RTL5: variants seen among roughly 807,000 people sequenced by gnomAD.
The protein encoded by RTL5 is retrotransposon Gag like 5.
A neutral mutation model predicts 7.7 loss-of-function variants in RTL5; 8 were observed. The observed-to-expected ratio is 1.04, with a 90% CI of 0.61 to 1.88. The LOEUF (loss-of-function observed/expected upper bound fraction) is 1.88. Ranked by LOEUF, RTL5 falls within the 40% of genes most tolerant of loss-of-function variation. RTL5 has a pLI of 0.00. For synonymous variants in RTL5, 188 were observed against 191.8 expected, an observed-to-expected ratio of 0.98 and a Z score of 0.16; for missense variants, 457 against 472.7, an observed-to-expected ratio of 0.97 and a Z score of 0.31.
exon 1 of RTL5, chrX:72,130,110 C>A (rs201171574): frequency 8.3e-7 from 1 of 1,208,594 alleles, no homozygotes; most frequent in African/African-American, 1.8e-5. Context: ...TCTGGGATGA[C>A]GCGTGAACAA....
At position 72,130,366 on chromosome X, in the gene RTL5, TCTTC is replaced by T. The variant is rs751171435; in HGVS notation, c.1171_1174del (p.Glu391ArgfsTer10). ...TTCCTCTTCCTCCTCCTCCTCCTTC[TCTTC>T]CTTCTTCTTCATTTCTTCCTCCTTC... On this transcript the variant is annotated frameshift_variant, in exon 1 of 1. Coordinates refer to ENST00000609883, the Ensembl canonical transcript of RTL5. LOFTEE classifies it low-confidence loss of function (END_TRUNC). 1.6e-5 allele frequency: 19 copies of T among 1,161,599 alleles called. No individual in the cohort carries two copies. The Admixed American group carries it at 3.6e-4, about 22-fold the overall frequency.
At position 72,130,621 on chromosome X, in the gene RTL5, A is replaced by ATCT. The variant is rs747152399; in HGVS notation, c.917_919dup (p.Glu306_Ile307insLys). 6.6e-6 allele frequency: 8 copies of ATCT among 1,211,334 alleles called. No individual in the cohort carries two copies. In the Admixed American group the frequency reaches 1.5e-4, roughly 23 times the overall value. ...CTTGGGAACGCGCACTTTTCTTTCT[A>ATCT]TCTCCACACATTCGAGAATCAGCTC... On this transcript the variant is annotated inframe_insertion, in exon 1 of 1. Coordinates refer to ENST00000609883, the Ensembl canonical transcript of RTL5.
chrX:72,131,631 G>T, exon 1 of RTL5: 1 of 917,747 alleles, frequency 1.1e-6, no homozygotes, highest in Non-Finnish European at 1.5e-6. Flanking sequence ...GCGGCGGCGG[G>T]GCTCGGGAGG....
At chrX:72,130,483 C>G in exon 1 of RTL5, 3 of 1,210,888 alleles carry the variant, frequency 2.5e-6, no homozygotes, top group South Asian at 1.8e-5. Context: ...CCTGTGCCTG[C>G]GTGCCTCTTG....
rs1437334768 is a variant in RTL5, at chrX:72,131,798, G to C, written c.-258C>G. 32 of 231,113 alleles carry C rather than the reference G, an allele frequency of 1.4e-4. 1 individual carries two copies. The highest frequency in any genetic ancestry group is 2.1e-4 in the Non-Finnish European group (28 of 134,580). 19.0% of individuals were successfully genotyped at this position (231,113 alleles called of 1,213,427 possible). A position where few individuals can be genotyped will look rare whatever the true frequency, so the allele number is the denominator to read the frequency against. On this transcript the variant is annotated 5_prime_UTR_variant, in exon 1 of 1. Coordinates refer to ENST00000609883, the Ensembl canonical transcript of RTL5. ...AGGGCGGGCGGAGGCACGGGGCCCG[G>C]AGGCGCCAGGCGGAGGATGCGGGCG...
At chrX:72,131,705 G>A in exon 1 of RTL5, 1 of 425,073 alleles carries the variant, frequency 2.4e-6, no homozygotes. Context: ...GAGCTCGGAG[G>A]GCGGCGCTCT....
chrX:72,131,246 T>C, exon 1 of RTL5: 1 of 1,200,885 alleles, frequency 8.3e-7, no homozygotes, highest in Non-Finnish European at 1.1e-6. Flanking sequence ...TCATCCGAGA[T>C]ACAGTCGGGC....
exon 1 of RTL5, chrX:72,130,892 A>G (rs1382239570): frequency 8.3e-7 from 1 of 1,211,658 alleles, no homozygotes. Context: ...AAGCGCGGGA[A>G]GTTGGCATGC....
Position 72,130,445 on chromosome X carries a change from T to C in RTL5, c.1096A>G (p.Met366Val), listed in dbSNP as rs983578517. ...TTCATCTCTTGCTGAAAAGCCCTCATGCGCTTCCTCTGGTCCTTGGAGTGA... is the reference window on the plus strand; with the variant it reads ...TTCATCTCTTGCTGAAAAGCCCTCACGCGCTTCCTCTGGTCCTTGGAGTGA... The change falls in exon 1 of 1, where the codon ATG (methionine) becomes GTG (valine). Residue 366 changes from methionine to valine, a missense_variant. By Grantham distance (21) the Met-to-Val change is conservative. Transcript: ENST00000609883. The C allele has an allele frequency of 3.3e-6, 4 of 1,208,451 alleles. No individual in the cohort carries two copies. Among genetic ancestry groups the C allele is most frequent in the South Asian group, 3.5e-5 (2 of 56,579 alleles).
chrX:72,131,691 G>C (rs1465679935), exon 1 of RTL5: 6 of 483,451 alleles, frequency 1.2e-5, no homozygotes, highest in African/African-American at 7.8e-5. Context: ...ACACCCACCG[G>C]GGCGAGCTCG....
chrX:72,130,821 G>A lies in RTL5; in HGVS notation c.720C>T (p.Ala240=), dbSNP rs2042284943. 2.5e-6 allele frequency: 3 copies of A among 1,209,907 alleles called. No homozygotes were observed. The Admixed American group carries it at 6.5e-5, about 26-fold the overall frequency. Residue 240 remains alanine, a synonymous_variant, in exon 1 of 1, where the codon GCC becomes GCT. Coordinates refer to ENST00000609883, the Ensembl canonical transcript of RTL5. ...AGTGGCCCTGCTTGAGCTTGCGAAT[G>A]GCCTTTTTAGCCACACGTGGGGGGA...
At chrX:72,130,281 A>T (rs1801323092) in exon 1 of RTL5, 1 of 1,178,275 alleles carries the variant, frequency 8.5e-7, no homozygotes. Context: ...CTTCATCCTT[A>T]CTCTCTCCTT....
chrX:72,131,850 C>CCGGG (rs1182989464), upstream of RTL5: 214 of 257,532 alleles, frequency 8.3e-4, 2 homozygotes, highest in African/African-American at 5.8e-3. Flanking sequence ...GACCGCGCGA[C>CCGGG]CGGGCGGGCG....
chrX:72,131,118 C>T (rs370931550), exon 1 of RTL5: 291 of 1,193,412 alleles, frequency 2.4e-4, no homozygotes, highest in Admixed American at 5.6e-4. Context: ...GAGGGGGTTG[C>T]GGGGGCGGTT....
chrX:72,130,082 C>T, exon 1 of RTL5: 1 of 1,211,089 alleles, frequency 8.3e-7, no homozygotes, highest in Non-Finnish European at 1.1e-6. Context: ...GCGTGGTAAC[C>T]ACTTGTGGGG....
In RTL5 at chrX:72,130,283, T is replaced by G. The variant is rs6624595; in HGVS notation, c.1258A>C (p.Ser420Arg). The change falls in exon 1 of 1, where the codon AGT becomes CGT. Residue 420 changes from serine (S) to arginine (R), a missense_variant. Physicochemically the swap from Ser to Arg is moderately radical, Grantham distance 110 (BLOSUM62 -1). Coordinates refer to ENST00000609883, the Ensembl canonical transcript of RTL5. Reference sequence around the variant, plus strand: ...TCATCTTCATCTTCTTCATCCTTACTCTCTCCTTCCTCCTCATTCTTGTTC... The same window carrying G: ...TCATCTTCATCTTCTTCATCCTTACGCTCTCCTTCCTCCTCATTCTTGTTC... 129,357 of 1,197,040 alleles carry G rather than the reference T, an allele frequency of 0.11. 7,681 individuals carry two copies. Among genetic ancestry groups the G allele is most frequent in the East Asian group, 0.52 (17,381 of 33,514 alleles).
At chrX:72,131,606 G>C in exon 1 of RTL5, 1 of 1,060,747 alleles carries the variant, frequency 9.4e-7, no homozygotes. Context: ...ACGGGCGGCC[G>C]GAGGAGGCCG....
At position 72,130,935 on chromosome X, in the gene RTL5, C is replaced by T; in HGVS notation, c.606G>A (p.Trp202Ter). 1 of 1,211,761 alleles carries T rather than the reference C, an allele frequency of 8.3e-7. No individual in the cohort carries two copies. Among genetic ancestry groups the T allele is most frequent in the Non-Finnish European group, 1.1e-6 (1 of 895,461 alleles). ...TTCCTTCCTGGGTGACCGAGATGGC[C>T]CAGTCCTTGGCTTCGCCAGTGAAAA... The change falls in exon 1 of 1, where the codon TGG becomes TGA. Residue 202 changes from tryptophan to a stop codon, truncating the protein, a stop_gained. Transcript: ENST00000609883. LOFTEE classifies it low-confidence loss of function (END_TRUNC).
At chrX:72,131,179 G>A in exon 1 of RTL5, 1 of 1,186,233 alleles carries the variant, frequency 8.4e-7, no homozygotes, top group Non-Finnish European at 1.1e-6. Context: ...GGGCAGCAGA[G>A]GGGGGTCAGC....
Sources: gnomAD v4.1 joint callset for allele counts on GRCh38, gnomAD v4.1.1 for gene constraint, MANE v1.5 for transcripts, NCBI Gene and HGNC (gene_info 2026-07-23, HGNC 2026-07-21) for gene names.